Variants in LRMDA observed in about 807,000 individuals in gnomAD.
LRMDA encodes leucine-rich melanocyte differentiation-associated protein.
In LRMDA, 18 loss-of-function variants were observed where a neutral mutation model predicts 29.8. That is an observed-to-expected ratio of 0.60 (90% CI 0.42 to 0.90). The LOEUF (loss-of-function observed/expected upper bound fraction) is 0.90, where lower values mean the gene tolerates loss of function less well. Among genes scored for constraint, LRMDA ranks in the 40% least tolerant of loss-of-function variants. The probability of loss-of-function intolerance (pLI) is 0.00; values close to 1 mark genes in which losing one functional copy is unlikely to be tolerated. For synonymous variants in LRMDA, 125 were observed against 109.4 expected, an observed-to-expected ratio of 1.14 and a Z score of -0.89; for missense variants, 273 against 273.9, an observed-to-expected ratio of 1.00 and a Z score of 0.02.
intron 5 of LRMDA, among the ~76,000 whole-genome samples, chr10:76,231,781 A>C (rs1852063590): frequency 6.6e-6 from 1 of 152,230 alleles, no homozygotes; most frequent in African/African-American, 2.4e-5. Flanking sequence ...TGACAGAAAC[A>C]GTTTGTAGGA....
Position 75,942,156 on chromosome 10 carries a change from C to T in LRMDA, c.132-93852C>T, listed in dbSNP as rs187828157. Among the ~76,000 whole-genome samples, 17 of 152,234 alleles carry T rather than the reference C, an allele frequency of 1.1e-4. No individual in the cohort carries two copies. In the South Asian group the frequency reaches 1.9e-3, roughly 17 times the overall value. ...TTCAACACCTACCCTTCCTCAGCGA[C>T]GTGCAGCCCCTTCAAGAAGAGAGCC... On this transcript the variant is annotated intron_variant, in intron 2 of 6. Transcript: ENST00000611255.
intron 6 of LRMDA, among the ~76,000 whole-genome samples, chr10:76,462,826 G>A (rs571740247): frequency 3.9e-5 from 6 of 152,270 alleles, no homozygotes; most frequent in African/African-American, 9.6e-5. Context: ...TGAGCTCAGC[G>A]AGTGTTTCCT....
chr10:76,470,047 G>GA (rs1281337113), intron 6 of LRMDA, among the ~76,000 whole-genome samples: 3 of 151,078 alleles, frequency 2.0e-5, no homozygotes, highest in Non-Finnish European at 4.4e-5. Context: ...CAAAGTGCTG[G>GA]AAAAAAAATA....
At chr10:75,623,713 T>G (rs762452891) in intron 2 of LRMDA, among the ~76,000 whole-genome samples, 6 of 152,152 alleles carry the variant, frequency 3.9e-5, no homozygotes, top group Non-Finnish European at 7.3e-5. Context: ...TATAGCAGAC[T>G]GTTTGTTTGT....
intron 6 of LRMDA, among the ~76,000 whole-genome samples, chr10:76,512,300 A>T (rs1843016414): frequency 6.6e-6 from 1 of 152,210 alleles, no homozygotes; most frequent in Admixed American, 6.5e-5. Context: ...GTGAAAACGG[A>T]CTAATACACT....
chr10:76,297,241 A>G (rs1217949633), intron 5 of LRMDA, among the ~76,000 whole-genome samples: 1 of 152,038 alleles, frequency 6.6e-6, no homozygotes, highest in East Asian at 1.9e-4. Context: ...CAAATATTCC[A>G]CTCTTTGGAA....
intron 2 of LRMDA, among the ~76,000 whole-genome samples, chr10:75,969,777 T>G (rs1846932258): frequency 6.6e-6 from 1 of 152,182 alleles, no homozygotes; most frequent in Non-Finnish European, 1.5e-5. Context: ...GTGACATTAT[T>G]TCTTGAGGAA....
chr10:75,731,013 A>G (rs1589175477), intron 2 of LRMDA, among the ~76,000 whole-genome samples: 1 of 152,176 alleles, frequency 6.6e-6, no homozygotes. Context: ...GATAACGTCA[A>G]AATGTGAAGG....
At chr10:76,195,586 T>TA (rs1168551256) in intron 5 of LRMDA, among the ~76,000 whole-genome samples, 1 of 152,180 alleles carries the variant, frequency 6.6e-6, no homozygotes, top group African/African-American at 2.4e-5. Flanking sequence ...CTGTTCTCAG[T>TA]AATGCCTGCC....
chr10:76,018,746 T>C (rs779818008), intron 2 of LRMDA, among the ~76,000 whole-genome samples: 3 of 151,956 alleles, frequency 2.0e-5, no homozygotes, highest in Non-Finnish European at 2.9e-5. Context: ...TTTTGTATTT[T>C]TAGTAGAGAC....
chr10:75,452,557 A>G (rs1282514772), intron 2 of LRMDA, among the ~76,000 whole-genome samples: 2 of 141,446 alleles, frequency 1.4e-5, no homozygotes, highest in Non-Finnish European at 1.5e-5. Context: ...GTTAAAACTC[A>G]GTGATTTCAG....
chr10:75,577,721 G>A (rs1840525794), intron 2 of LRMDA, among the ~76,000 whole-genome samples: 1 of 152,070 alleles, frequency 6.6e-6, no homozygotes, highest in Non-Finnish European at 1.5e-5. Context: ...AGAAGAGAGT[G>A]GGGGCCAATA....
At chr10:76,520,792 G>A (rs926494876) in intron 6 of LRMDA, among the ~76,000 whole-genome samples, 3 of 151,868 alleles carry the variant, frequency 2.0e-5, no homozygotes, top group Non-Finnish European at 4.4e-5. Flanking sequence ...TCTTTGCCAG[G>A]GATATTTTTT....
At chr10:75,568,887 T>C (rs906461385) in intron 2 of LRMDA, among the ~76,000 whole-genome samples, 1 of 152,188 alleles carries the variant, frequency 6.6e-6, no homozygotes, top group African/African-American at 2.4e-5. Context: ...TGTACAGCTG[T>C]TATATGCTAT....
At chr10:76,430,247 C>T (rs1842177305) in intron 6 of LRMDA, among the ~76,000 whole-genome samples, 1 of 152,106 alleles carries the variant, frequency 6.6e-6, no homozygotes, top group African/African-American at 2.4e-5. Context: ...TTTTTATTAG[C>T]CTGGCATTGT....
chr10:76,462,280 A>G (rs1017678659), intron 6 of LRMDA, among the ~76,000 whole-genome samples: 3 of 152,136 alleles, frequency 2.0e-5, no homozygotes, highest in African/African-American at 7.2e-5. Context: ...GTCTCTTAGA[A>G]CTAGACTGGG....
intron 2 of LRMDA, among the ~76,000 whole-genome samples, chr10:75,783,799 G>A (rs1843425452): frequency 6.6e-6 from 1 of 152,198 alleles, no homozygotes. Context: ...CTCAATAAAT[G>A]TTCATCTCCT....
intron 5 of LRMDA, among the ~76,000 whole-genome samples, chr10:76,172,664 A>G (rs1850859934): frequency 6.6e-6 from 1 of 152,220 alleles, no homozygotes; most frequent in Non-Finnish European, 1.5e-5. Flanking sequence ...ACACAGGACC[A>G]GAAGTAGTGC....
chr10:75,600,557 G>T (rs1447429096), intron 2 of LRMDA, among the ~76,000 whole-genome samples: 1 of 152,188 alleles, frequency 6.6e-6, no homozygotes, highest in African/African-American at 2.4e-5. Flanking sequence ...AAATAGACCT[G>T]GGAAGAAAGA....
Sources: gnomAD v4.1 joint callset for allele counts (sites outside exome capture counted in the v4.1 genomes callset) on GRCh38, gnomAD v4.1.1 for gene constraint, MANE v1.5 for transcripts, NCBI Gene and HGNC (gene_info 2026-07-23, HGNC 2026-07-21) for gene names.